Variants in TIMM50 observed in about 807,000 individuals in gnomAD.
TIMM50 encodes translocase of inner mitochondrial membrane 50, also known as mitochondrial import inner membrane translocase subunit TIM50.
Under a neutral mutation model 49.6 loss-of-function variants are expected in TIMM50, and 34 were observed. The ratio of observed to expected loss-of-function variants is 0.69; its 90% CI spans 0.52 to 0.91. The LOEUF is 0.91. Ranked by LOEUF, TIMM50 falls within the 40% of genes least tolerant of loss-of-function variation. TIMM50 has a pLI of 0.00. For synonymous variants in TIMM50, 199 were observed against 198.4 expected, an observed-to-expected ratio of 1.00 and a Z score of -0.03; for missense variants, 458 against 477.8, an observed-to-expected ratio of 0.96 and a Z score of 0.39.
chr19:39,488,457 C>A, intron 9 of TIMM50, 82 bp from the exon 10 acceptor site: 1 of 1,333,564 alleles, frequency 7.5e-7, no homozygotes, highest in South Asian at 1.2e-5. Context: ...CCCCGTGCCC[C>A]AGTGCGGGAC....
At position 39,492,511 on chromosome 19, in the gene TIMM50, T is replaced by C. The variant is rs185669491; in HGVS notation, c.*2691T>C. On this transcript the variant is annotated 3_prime_UTR_variant, in exon 11 of 11. Transcript: ENST00000607714. ...AGGAGTGAACGGGACAGTCCGTATG[T>C]GGGTTATATGTATATATTCCCAGGT... 6.6e-6 allele frequency: 1 copy of C among 152,220 alleles called. No homozygotes were observed. The highest frequency in any genetic ancestry group is 1.5e-5 in the Non-Finnish European group (1 of 68,032). 9.4% of individuals were successfully genotyped at this position (152,220 alleles called of 1,614,324 possible).
In TIMM50 at chr19:39,480,865, G is replaced by C. The variant is rs766156151; in HGVS notation, c.12G>C (p.Ser4=). The C allele has an allele frequency of 1.4e-5, 23 of 1,598,710 alleles. No homozygotes were observed. In the South Asian group the frequency reaches 1.9e-4, roughly 13 times the overall value. ...GGCGTCAGCGCAAGATGGCGGCCTC[G>C]GCAGCGGTGTTCTCGCGCTTGCGAA... MAA[S]AAVFSRLRSG... is the part of the protein sequence containing the mutation. The change falls in exon 1 of 11, where the codon TCG becomes TCC. Residue 4 remains serine (S), a synonymous_variant. Coordinates refer to ENST00000607714, the MANE Select transcript of TIMM50 (RefSeq NM_001001563.5).
At position 39,485,876 on chromosome 19, in the gene TIMM50, C is replaced by T; in HGVS notation, c.492+69C>T. 8 of 1,594,116 alleles carry T rather than the reference C, an allele frequency of 5.0e-6. No homozygotes were observed. The South Asian group carries it at 8.9e-5, about 18-fold the overall frequency. On this transcript the variant is annotated intron_variant, in intron 6 of 10. Coordinates refer to ENST00000607714, the MANE Select transcript of TIMM50 (RefSeq NM_001001563.5). ...GTGGGGTTGTGATGAGGTGGACTTT[C>T]AGCCCTGGCTGTGCTATGTGATCTT...
In TIMM50 at chr19:39,489,892, A is replaced by G. The variant is rs1307966408; in HGVS notation, c.*72A>G. 1.4e-5 allele frequency: 20 copies of G among 1,413,118 alleles called. No homozygotes were observed. The African/African-American group carries it at 2.4e-4, about 17-fold the overall frequency. The allele number at this position is 1,413,118 out of a possible 1,614,324, so 87.5% of individuals were successfully genotyped here. A position where few individuals can be genotyped will look rare whatever the true frequency, so the allele number is the denominator to read the frequency against. ...CTTCCAGACCAAGACTTGGGCCACC[A>G]CTTGTCCAATAAAGTACATCCCAGA... On this transcript the variant is annotated 3_prime_UTR_variant, in exon 11 of 11. Coordinates refer to ENST00000607714, the MANE Select transcript of TIMM50 (RefSeq NM_001001563.5).
intron 1 of TIMM50, among the ~76,000 whole-genome samples, 167 bp from the exon 2 acceptor site, chr19:39,481,716 C>T (rs1568440048): frequency 6.6e-6 from 1 of 152,200 alleles, no homozygotes; most frequent in South Asian, 2.1e-4. Context: ...CTGGTTTTGA[C>T]CCTCTGAGCA....
chr19:39,491,820 C>T lies in TIMM50; in HGVS notation c.*2000C>T, dbSNP rs1229515931. 1 of 125,640 alleles carries T rather than the reference C, an allele frequency of 8.0e-6. No homozygotes were observed. Among genetic ancestry groups the T allele is most frequent in the African/African-American group, 3.2e-5 (1 of 31,024 alleles). The allele number at this position is 125,640 out of a possible 1,614,324, so 7.8% of individuals were successfully genotyped here. On this transcript the variant is annotated 3_prime_UTR_variant, in exon 11 of 11. Coordinates refer to ENST00000607714, the MANE Select transcript of TIMM50 (RefSeq NM_001001563.5). ...CTAGCCTGGGCAACAGAGCGAGACC[C>T]TGTCTCAAAAAAAAAAAAAAAAAAA... is the stretch of plus-strand genomic sequence containing the variant.
intron 3 of TIMM50, 59 bp downstream of exon 3, chr19:39,482,975 C>T (rs752438389): frequency 3.7e-6 from 6 of 1,612,706 alleles, no homozygotes; most frequent in African/African-American, 1.3e-5. Context: ...TGAGAGGGGT[C>T]CCCTTTGGTC....
chr19:39,481,806 A>G (rs933224265), intron 1 of TIMM50, 77 bp from the exon 2 acceptor site: 2 of 1,536,480 alleles, frequency 1.3e-6, no homozygotes, highest in African/African-American at 2.7e-5. Context: ...CCTGAACTTG[A>G]TTCTTCTTGG....
intron 1 of TIMM50, 46 bp downstream of exon 1, chr19:39,481,007 G>A (rs2079467375): frequency 1.3e-6 from 2 of 1,526,620 alleles, no homozygotes; most frequent in Non-Finnish European, 1.7e-6. Flanking sequence ...TCCCTTCCCT[G>A]GAGTTACGGA....
intron 4 of TIMM50, 188 bp downstream of exon 4, chr19:39,483,344 G>A: frequency 1.5e-6 from 1 of 684,256 alleles, no homozygotes. Context: ...TGGCCCCTCA[G>A]CCCCGAGCAG....
chr19:39,488,500 TTTAG>T (rs749969930), intron 9 of TIMM50, 35 bp from the exon 10 acceptor site: 20 of 1,592,524 alleles, frequency 1.3e-5, no homozygotes, highest in Admixed American at 1.7e-5. Context: ...CCCTCTGGCC[TTTAG>T]AAGCCTGGCT....
rs1324170543 is a variant in TIMM50, at chr19:39,489,787, C to T, written c.1029C>T (p.Thr343=). 4.3e-6 allele frequency: 7 copies of T among 1,610,914 alleles called. No homozygotes were observed. Among genetic ancestry groups the T allele is most frequent in the Non-Finnish European group, 5.9e-6 (7 of 1,178,836 alleles). ...AGAACCTCTTCCTTGGCTCCCTCACCAGCCGCTTGTGGCCTCGCTCCAAAC... is the reference window on the plus strand; with the variant it reads ...AGAACCTCTTCCTTGGCTCCCTCACTAGCCGCTTGTGGCCTCGCTCCAAAC... ...NKQNLFLGSL[T]SRLWPRSKQP The change falls in exon 11 of 11, where the codon ACC becomes ACT. Residue 343 remains threonine, a synonymous_variant. Transcript: ENST00000607714.
chr19:39,489,803 C>G lies in TIMM50; in HGVS notation c.1045C>G (p.Arg349Gly). 1 of 1,609,880 alleles carries G rather than the reference C, an allele frequency of 6.2e-7. No homozygotes were observed. Among genetic ancestry groups the G allele is most frequent in the Middle Eastern group, 1.7e-4 (1 of 6,060 alleles). ...CTCCCTCACCAGCCGCTTGTGGCCT[C>G]GCTCCAAACAGCCCTGAACTCTGGG... is the stretch of plus-strand genomic sequence containing the variant. Reference protein sequence around the residue: ...LGSLTSRLWPRSKQP With the variant: ...LGSLTSRLWPGSKQP The change falls in exon 11 of 11, where the codon CGC becomes GGC. Residue 349 changes from arginine to glycine, a missense_variant. Coordinates refer to ENST00000607714, the MANE Select transcript of TIMM50 (RefSeq NM_001001563.5).
Position 39,486,238 on chromosome 19 carries a change from C to T in TIMM50, c.544C>T (p.Gln182Ter). 6.2e-7 allele frequency: 1 copy of T among 1,614,168 alleles called. No homozygotes were observed. Among genetic ancestry groups the T allele is most frequent in the Non-Finnish European group, 8.5e-7 (1 of 1,180,046 alleles). ...KKRPGIETLF[Q>*]QLAPLYEIVI... ...GCGCCCAGGCATCGAGACCTTGTTCCAGCAGCTTGCCCCTTTATATGAAAT... is the reference window on the plus strand; with the variant it reads ...GCGCCCAGGCATCGAGACCTTGTTCTAGCAGCTTGCCCCTTTATATGAAAT... The change falls in exon 7 of 11, where the codon CAG (glutamine) becomes TAG (stop). Residue 182 changes from glutamine (Q) to a stop codon, truncating the protein, a stop_gained. Transcript: ENST00000607714. LOFTEE classifies it high-confidence loss of function.
rs760522203 is a variant in TIMM50, at chr19:39,486,439, A to G, written c.640A>G (p.Ile214Val). 5.0e-6 allele frequency: 8 copies of G among 1,614,062 alleles called. No homozygotes were observed. The highest frequency in any genetic ancestry group is 1.7e-6 in the Non-Finnish European group (2 of 1,180,024). Residue 214 changes from isoleucine to valine, a missense_variant, in exon 8 of 11, where the codon ATC (isoleucine) becomes GTC (valine). Physicochemically the swap from Ile to Val is conservative, Grantham distance 29. Coordinates refer to ENST00000607714, the MANE Select transcript of TIMM50 (RefSeq NM_001001563.5). ...LIDSVDPHGF[I>V]SYRLFRDATR... ...TGATAGTGTGGACCCCCATGGCTTC[A>G]TCTCCTACCGCCTATTCCGGGACGC...
chr19:39,487,317 T>G (rs1271501342), intron 8 of TIMM50, among the ~76,000 whole-genome samples: 3 of 152,172 alleles, frequency 2.0e-5, no homozygotes, highest in African/African-American at 7.2e-5. Context: ...TCACCCAGGC[T>G]GGAGTGCAGT....
intron 2 of TIMM50, 93 bp from the exon 3 acceptor site, chr19:39,482,792 G>A: frequency 6.4e-7 from 1 of 1,558,302 alleles, no homozygotes; most frequent in Non-Finnish European, 8.8e-7. Context: ...TCTTTCCTCA[G>A]ATCCAGGAGT....
In TIMM50 at chr19:39,489,701, A is replaced by C. The variant is rs1180697039; in HGVS notation, c.961-18A>C. The C allele has an allele frequency of 6.3e-7, 1 of 1,592,306 alleles. No individual in the cohort carries two copies. On this transcript the variant is annotated intron_variant, in intron 10 of 10. Coordinates refer to ENST00000607714, the MANE Select transcript of TIMM50 (RefSeq NM_001001563.5). ...CACCTTGCGCTGACCCTCTCCTCCA[A>C]CTGTCCCCCTACCCCAGGAGGAGCA...
At position 39,486,187 on chromosome 19, in the gene TIMM50, C is replaced by G. The variant is rs774954909; in HGVS notation, c.493C>G (p.Leu165Val). 1.2e-6 allele frequency: 2 copies of G among 1,614,128 alleles called. No homozygotes were observed. The highest frequency in any genetic ancestry group is 2.2e-5 in the East Asian group (1 of 44,878). ...TGVLLHPEWS[L>V]ATGWRFKKRP... is the part of the protein sequence containing the mutation. ...TTCACTGTCCTCACTGTCTTCCCAG[C>G]TGGCCACTGGCTGGAGGTTTAAGAA... Residue 165 changes from leucine to valine, a missense_variant and splice_region_variant, in exon 7 of 11, where the codon CTG becomes GTG. Transcript: ENST00000607714.
Sources: allele counts gnomAD v4.1 joint callset (sites outside exome capture counted in the v4.1 genomes callset), GRCh38; gene constraint gnomAD v4.1.1; transcripts MANE v1.5; gene names NCBI Gene and HGNC (gene_info 2026-07-23, HGNC 2026-07-21).